The following LIM2 variants were observed in gnomAD, a reference collection of about 807,000 sequenced individuals.
LIM2 encodes lens intrinsic membrane protein 2, also known as lens fiber membrane intrinsic protein.
Under a neutral mutation model 19.0 loss-of-function variants are expected in LIM2, and 14 were observed. That is an observed-to-expected ratio of 0.74 (90% CI 0.49 to 1.15). LIM2 has a LOEUF of 1.15. Ranked by LOEUF, LIM2 falls within the 50% of genes most tolerant of loss-of-function variation. The probability of loss-of-function intolerance (pLI) is 0.00; values close to 1 mark genes in which losing one functional copy is unlikely to be tolerated. For missense variants in LIM2, 230 were observed against 243.5 expected, an observed-to-expected ratio of 0.94 and a Z score of 0.37; for synonymous variants, 78 against 89.6, an observed-to-expected ratio of 0.87 and a Z score of 0.73.
chr19:51,382,280 G>GT, intron 3 of LIM2, 138 bp downstream of exon 3: 1 of 959,974 alleles, frequency 1.0e-6, no homozygotes, highest in Non-Finnish European at 1.6e-6. Flanking sequence ...TTGGTTTTGA[G>GT]TGTGGGGATG....
intron 2 of LIM2, among the ~76,000 whole-genome samples, chr19:51,383,665 G>A (rs1472110402): frequency 6.6e-6 from 1 of 152,220 alleles, no homozygotes; most frequent in African/African-American, 2.4e-5. Context: ...CAGGTGTGAT[G>A]TTGTTTATTC....
intron 3 of LIM2, 40 bp from the exon 4 acceptor site, chr19:51,380,679 C>T (rs377669936): frequency 2.4e-5 from 39 of 1,596,046 alleles, no homozygotes; most frequent in African/African-American, 6.8e-5. Context: ...GGGACTAAGG[C>T]TGGGTGTGAT....
chr19:51,384,087 A>G (rs1986968876), intron 2 of LIM2, among the ~76,000 whole-genome samples: 1 of 152,180 alleles, frequency 6.6e-6, no homozygotes, highest in South Asian at 2.1e-4. Context: ...GTCTTTGCAA[A>G]TATAATTAGT....
At chr19:51,380,461 A>G (rs772845749) in intron 4 of LIM2, 44 bp downstream of exon 4, 1 of 1,612,462 alleles carries the variant, frequency 6.2e-7, no homozygotes, top group Non-Finnish European at 8.5e-7. Context: ...TCTGCTGCCC[A>G]CTCTGCCCCA....
In LIM2 at chr19:51,380,221, G is replaced by A. The variant is rs150085001; in HGVS notation, c.502C>T (p.Arg168Cys). ...MCAYRVHECR[R>C]LSTPR ...TGGGCTCAGCGGGGTGTAGACAGGC[G>A]CCGGCATTCATGCACCCGGTAGGCG... Residue 168 changes from arginine (R) to cysteine (C), a missense_variant, in exon 5 of 5, where the codon CGC becomes TGC. Arg to Cys is a radical substitution (Grantham distance 180). Coordinates refer to ENST00000596399, the MANE Select transcript of LIM2 (RefSeq NM_001161748.2). 1.2e-4 allele frequency: 196 copies of A among 1,613,762 alleles called. 1 individual carries two copies. In the Admixed American group the frequency reaches 1.5e-3, roughly 13 times the overall value.
intron 2 of LIM2, among the ~76,000 whole-genome samples, chr19:51,383,389 T>C (rs1986952410): frequency 6.6e-6 from 1 of 152,222 alleles, no homozygotes; most frequent in South Asian, 2.1e-4. Context: ...TCCTATTTAC[T>C]TGTTTTTAAC....
chr19:51,381,108 C>A (rs1197839954), intron 3 of LIM2, among the ~76,000 whole-genome samples: 1 of 151,930 alleles, frequency 6.6e-6, no homozygotes, highest in African/African-American at 2.4e-5. Flanking sequence ...GTCAGGAGAT[C>A]AAGATCAGCC....
At chr19:51,385,195 A>G (rs1034688012) in intron 2 of LIM2, among the ~76,000 whole-genome samples, 1 of 152,008 alleles carries the variant, frequency 6.6e-6, no homozygotes, top group African/African-American at 2.4e-5. Context: ...TGGGCAATAC[A>G]GTGAGATGCT....
chr19:51,382,356 G>T, intron 3 of LIM2, 62 bp downstream of exon 3: 1 of 1,585,756 alleles, frequency 6.3e-7, no homozygotes, highest in Non-Finnish European at 8.7e-7. Flanking sequence ...TGAGGGGTGG[G>T]GACAGATTGG....
At position 51,387,127 on chromosome 19, in the gene LIM2, CT is replaced by C. The variant is rs770942923; in HGVS notation, c.175+141del. 6.6e-6 allele frequency: 10 copies of C among 1,508,850 alleles called. No individual in the cohort carries two copies. The Admixed American group carries it at 1.4e-4, about 21-fold the overall frequency. 93.5% of individuals were successfully genotyped at this position (1,508,850 alleles called of 1,614,324 possible). A position where few individuals can be genotyped will look rare whatever the true frequency, so the allele number is the denominator to read the frequency against. On this transcript the variant is annotated intron_variant, in intron 2 of 4. Transcript: ENST00000596399. ...AACCCTGTAGTCCCAGTTCTGCCCC[CT>C]CCATGCTGAGTGACCTTGGGTTGCT...
chr19:51,380,101 C>A lies in LIM2; in HGVS notation c.*100G>T. On this transcript the variant is annotated 3_prime_UTR_variant, in exon 5 of 5. Transcript: ENST00000596399. Reference sequence around the variant, plus strand: ...CCCACAGTCCAGAACTGAGCCCCCTCATTCCCCTAGGAACCAGGATTTCAG... The same window carrying A: ...CCCACAGTCCAGAACTGAGCCCCCTAATTCCCCTAGGAACCAGGATTTCAG... 1 of 1,134,708 alleles carries A rather than the reference C, an allele frequency of 8.8e-7. No individual in the cohort carries two copies. 70.3% of individuals were successfully genotyped at this position (1,134,708 alleles called of 1,614,324 possible).
At chr19:51,383,597 G>A (rs1030531263) in intron 2 of LIM2, among the ~76,000 whole-genome samples, 1 of 152,158 alleles carries the variant, frequency 6.6e-6, no homozygotes, top group African/African-American at 2.4e-5. Flanking sequence ...CCTCAGGAAA[G>A]ATAATAATAA....
At chr19:51,382,147 T>G (rs1392769353) in intron 3 of LIM2, among the ~76,000 whole-genome samples, 1 of 152,186 alleles carries the variant, frequency 6.6e-6, no homozygotes, top group Non-Finnish European at 1.5e-5. Context: ...GGAAGCAGTC[T>G]TGCTAGGGAC....
chr19:51,387,511 G>C (rs9676422), intron 1 of LIM2, 62 bp from the exon 2 acceptor site: 5 of 1,605,382 alleles, frequency 3.1e-6, no homozygotes, highest in South Asian at 2.2e-5. Context: ...GGGAGGAACT[G>C]GGGGGAGAGA....
chr19:51,385,259 T>TGA (rs1568481818), intron 2 of LIM2, among the ~76,000 whole-genome samples: 1 of 151,680 alleles, frequency 6.6e-6, no homozygotes, highest in East Asian at 2.0e-4. Context: ...CGGTGGCTCA[T>TGA]GCCTATAATC....
rs1048941765 is a variant in LIM2, at chr19:51,380,269, G to T, written c.461-7C>A. 3 of 1,613,030 alleles carry T rather than the reference G, an allele frequency of 1.9e-6. No homozygotes were observed. The African/African-American group carries it at 4.0e-5, about 22-fold the overall frequency. Reference sequence around the variant, plus strand: ...GCGCACATGTAGAAAATCCCTGCATGAGAAGAAGTTCAAATTCACCCCCTC... The same window carrying T: ...GCGCACATGTAGAAAATCCCTGCATTAGAAGAAGTTCAAATTCACCCCCTC... On this transcript the variant is annotated splice_polypyrimidine_tract_variant and splice_region_variant and intron_variant, in intron 4 of 4. Transcript: ENST00000596399.
chr19:51,380,267 A>C lies in LIM2; in HGVS notation c.461-5T>G. On this transcript the variant is annotated splice_polypyrimidine_tract_variant and splice_region_variant and intron_variant, in intron 4 of 4. Transcript: ENST00000596399. ...AGGCGCACATGTAGAAAATCCCTGCATGAGAAGAAGTTCAAATTCACCCCC... is the reference window on the plus strand; with the variant it reads ...AGGCGCACATGTAGAAAATCCCTGCCTGAGAAGAAGTTCAAATTCACCCCC... 6.2e-7 allele frequency: 1 copy of C among 1,613,314 alleles called. No individual in the cohort carries two copies. Among genetic ancestry groups the C allele is most frequent in the East Asian group, 2.2e-5 (1 of 44,860 alleles).
rs148096297 is a variant in LIM2 at position 51,385,928 on chromosome 19, T to C, written c.175+1341A>G. On this transcript the variant is annotated intron_variant, in intron 2 of 4. Transcript: ENST00000596399. ...TCTTCTCAGCTACTCAAGAGGATGT[T>C]TGAATTTTGAGATCAAATCTCATGT... is the stretch of plus-strand genomic sequence containing the variant. Among the ~76,000 whole-genome samples the C allele has an allele frequency of 8.6e-4, 131 of 152,226 alleles. 1 individual carries two copies. Among genetic ancestry groups the C allele is most frequent in the African/African-American group, 2.6e-3 (107 of 41,540 alleles).
Position 51,382,510 on chromosome 19 carries a change from C to G in LIM2, c.233G>C (p.Gly78Ala). The G allele has an allele frequency of 6.2e-7, 1 of 1,613,842 alleles. No homozygotes were observed. Among genetic ancestry groups the G allele is most frequent in the African/African-American group, 1.3e-5 (1 of 74,974 alleles). ...MILSALCAISGIIMGIMAFAH... is the reference protein window; with the variant it reads ...MILSALCAISAIIMGIMAFAH... ...GAAGGCCATGATGCCCATGATGATG[C>G]CGGAGATGGCGCATAGGGCAGACAG... is the stretch of plus-strand genomic sequence containing the variant. The change falls in exon 3 of 5, where the codon GGC becomes GCC. Residue 78 changes from glycine to alanine, a missense_variant. Gly to Ala is a moderately conservative substitution (Grantham distance 60, BLOSUM62 0). Coordinates refer to ENST00000596399, the MANE Select transcript of LIM2 (RefSeq NM_001161748.2).
Sources: allele counts gnomAD v4.1 joint callset (sites outside exome capture counted in the v4.1 genomes callset), GRCh38; gene constraint gnomAD v4.1.1; transcripts MANE v1.5; gene names NCBI Gene and HGNC (gene_info 2026-07-23, HGNC 2026-07-21).